GCFC2: variants seen among roughly 807,000 people sequenced by gnomAD.
GCFC2 encodes GC-rich sequence DNA-binding factor 2, also known as intron Large complex component GCFC2.
In GCFC2, 102 loss-of-function variants were observed where a neutral mutation model predicts 99.4. The ratio of observed to expected loss-of-function variants is 1.03; its 90% confidence interval spans 0.87 to 1.21. The LOEUF (loss-of-function observed/expected upper bound fraction) is 1.21. Ranked by LOEUF, GCFC2 falls within the 50% of genes most tolerant of loss-of-function variation. The probability of loss-of-function intolerance (pLI) is 0.00; values close to 1 mark genes in which losing one functional copy is unlikely to be tolerated. For missense variants in GCFC2, 973 were observed against 920.9 expected, an observed-to-expected ratio of 1.06 and a Z score of -0.73; for synonymous variants, 338 against 316.8, an observed-to-expected ratio of 1.07 and a Z score of -0.71.
chr2:75,665,759 T>C (rs190352189), intron 16 of GCFC2, among the ~76,000 whole-genome samples, 170 bp downstream of exon 16: 73 of 152,364 alleles, frequency 4.8e-4, no homozygotes, highest in Admixed American at 1.0e-3. Context: ...TTTTAAAATA[T>C]GGATATGCAT....
At chr2:75,712,459 G>T (rs141163633), upstream of GCFC2, among the ~76,000 whole-genome samples, 1 of 152,226 alleles carries the variant, frequency 6.6e-6, no homozygotes, top group East Asian at 1.9e-4. Flanking sequence ...GATTGTAAAC[G>T]CACCAATCAC....
chr2:75,680,518 C>T (rs1254022311), intron 11 of GCFC2, among the ~76,000 whole-genome samples: 1 of 152,190 alleles, frequency 6.6e-6, no homozygotes, highest in Admixed American at 6.5e-5. Context: ...GGCTAAACTA[C>T]AGCTCTTTAT....
chr2:75,665,930 T>G lies in GCFC2; in HGVS notation c.2227A>C (p.Arg743=). 1 of 1,576,818 alleles carries G rather than the reference T, an allele frequency of 6.3e-7. No individual in the cohort carries two copies. Among genetic ancestry groups the G allele is most frequent in the South Asian group, 1.1e-5 (1 of 87,862 alleles). Residue 743 remains arginine (R), a splice_region_variant and synonymous_variant, in exon 16 of 17, where the codon AGG becomes CGG. Coordinates refer to ENST00000321027, the MANE Select transcript of GCFC2 (RefSeq NM_003203.5). ...SAHKLSRSEF[R]DEVEEIILIL... ...AAGTGAAAATAAAATATGCATTACC[T>G]GAATTCACTTCTAGATAATTTATGT...
Position 75,670,303 on chromosome 2 carries a change from TA to T in GCFC2, c.1957-20del. On this transcript the variant is annotated intron_variant, in intron 14 of 16. Coordinates refer to ENST00000321027, the MANE Select transcript of GCFC2 (RefSeq NM_003203.5). ...GGAAGAGCTAAAATAAAATATCAAG[TA>T]AATATGTACCTTTTCTCCAAAGAGA... is the stretch of plus-strand genomic sequence containing the variant. 1 of 1,531,350 alleles carries T rather than the reference TA, an allele frequency of 6.5e-7. No individual in the cohort carries two copies. The highest frequency in any genetic ancestry group is 9.0e-7 in the Non-Finnish European group (1 of 1,106,732). The allele number at this position is 1,531,350 out of a possible 1,614,324, so 94.9% of individuals were successfully genotyped here. A position where few individuals can be genotyped will look rare whatever the true frequency, so the allele number is the denominator to read the frequency against.
chr2:75,667,585 G>A (rs1430876471), intron 15 of GCFC2, among the ~76,000 whole-genome samples: 1 of 152,140 alleles, frequency 6.6e-6, no homozygotes, highest in Non-Finnish European at 1.5e-5. Flanking sequence ...GTTTTGTTAT[G>A]TAAACTCTTT....
chr2:75,673,620 C>A lies in GCFC2; in HGVS notation c.1813-100G>T. On this transcript the variant is annotated intron_variant, in intron 12 of 16. Coordinates refer to ENST00000321027, the MANE Select transcript of GCFC2 (RefSeq NM_003203.5). ...TGCAGTACAAATTTATCCACACTCA[C>A]ATAACCAGCTGTTAAAATAACTATC... 3 of 643,756 alleles carry A rather than the reference C, an allele frequency of 4.7e-6. No individual in the cohort carries two copies. In the South Asian group the frequency reaches 5.4e-5, roughly 12 times the overall value. 39.9% of individuals were successfully genotyped at this position (643,756 alleles called of 1,614,324 possible).
At chr2:75,709,790 T>G (rs941403824) in intron 1 of GCFC2, among the ~76,000 whole-genome samples, 14 of 152,242 alleles carry the variant, frequency 9.2e-5, no homozygotes, top group Non-Finnish European at 1.6e-4. Flanking sequence ...CATCATGTTG[T>G]ACACTATAAG....
chr2:75,690,959 G>A (rs1031281300), intron 7 of GCFC2: 2 of 353,824 alleles, frequency 5.7e-6, no homozygotes, highest in Non-Finnish European at 1.0e-5. Context: ...TTTTGCTGTT[G>A]TTGAGAACAG....
chr2:75,710,802 G>C lies in GCFC2; in HGVS notation c.54C>G (p.Asp18Glu). Residue 18 changes from aspartate (D) to glutamate (E), a missense_variant, in exon 1 of 17, where the codon GAC becomes GAG. Transcript: ENST00000321027. ...CAGGCGACTCCTCGGCGCCATCGCT[G>C]TCGCTGGAATCAGCCGCGCGCTGCC... ...TFRQRAADSS[D>E]SDGAEESPAE... 2.5e-6 allele frequency: 4 copies of C among 1,579,150 alleles called. No individual in the cohort carries two copies. Among genetic ancestry groups the C allele is most frequent in the Non-Finnish European group, 3.4e-6 (4 of 1,168,970 alleles).
intron 5 of GCFC2, among the ~76,000 whole-genome samples, chr2:75,695,421 T>C (rs920377835): frequency 2.0e-5 from 3 of 152,168 alleles, no homozygotes; most frequent in African/African-American, 2.4e-5. Flanking sequence ...ACAAACATGA[T>C]AGTTTTTTTA....
intron 4 of GCFC2, among the ~76,000 whole-genome samples, chr2:75,699,440 T>C (rs1680475171): frequency 6.6e-6 from 1 of 152,220 alleles, no homozygotes; most frequent in African/African-American, 2.4e-5. Context: ...ACACTATGAT[T>C]GCAATTCTTG....
At position 75,694,433 on chromosome 2, in the gene GCFC2, T is replaced by A. The variant is rs1558746283; in HGVS notation, c.834-6A>T. 2 of 1,207,326 alleles carry A rather than the reference T, an allele frequency of 1.7e-6. No individual in the cohort carries two copies. Among genetic ancestry groups the A allele is most frequent in the Non-Finnish European group, 2.2e-6 (2 of 892,866 alleles). The allele number at this position is 1,207,326 out of a possible 1,614,324, so 74.8% of individuals were successfully genotyped here. ...TTTCCTGTAGTAATGTTAATCTAAATAAATAAAATAAAAATTAGTTTATTT... is the reference window on the plus strand; with the variant it reads ...TTTCCTGTAGTAATGTTAATCTAAAAAAATAAAATAAAAATTAGTTTATTT... On this transcript the variant is annotated splice_region_variant and splice_polypyrimidine_tract_variant and intron_variant, in intron 5 of 16. Coordinates refer to ENST00000321027, the MANE Select transcript of GCFC2 (RefSeq NM_003203.5).
intron 9 of GCFC2, among the ~76,000 whole-genome samples, 157 bp from the exon 10 acceptor site, chr2:75,689,382 TA>T (rs1320542993): frequency 6.6e-6 from 1 of 152,100 alleles, no homozygotes; most frequent in Non-Finnish European, 1.5e-5. Context: ...AACAAAGTAA[TA>T]ATATCAACAC....
upstream of GCFC2, among the ~76,000 whole-genome samples, chr2:75,711,972 G>A (rs899766098): frequency 4.6e-5 from 7 of 152,250 alleles, no homozygotes; most frequent in African/African-American, 1.7e-4. Context: ...GCACGGCGCC[G>A]GACTGGCAGG....
chr2:75,706,399 C>G (rs189267561), intron 2 of GCFC2, 124 bp downstream of exon 2: 2 of 639,848 alleles, frequency 3.1e-6, no homozygotes, highest in East Asian at 5.6e-5. Context: ...TTTTGGCACT[C>G]TGACAATCAT....
chr2:75,671,298 T>C (rs201354311), intron 14 of GCFC2, among the ~76,000 whole-genome samples: 1 of 152,210 alleles, frequency 6.6e-6, no homozygotes, highest in East Asian at 1.9e-4. Context: ...TTGCCATTCA[T>C]GACCATGGCT....
chr2:75,673,460 G>T lies in GCFC2; in HGVS notation c.1873C>A (p.Pro625Thr). 7.2e-7 allele frequency: 1 copy of T among 1,384,618 alleles called. No homozygotes were observed. Among genetic ancestry groups the T allele is most frequent in the African/African-American group, 1.4e-5 (1 of 70,590 alleles). 85.8% of individuals were successfully genotyped at this position (1,384,618 alleles called of 1,614,324 possible). A position where few individuals can be genotyped will look rare whatever the true frequency, so the allele number is the denominator to read the frequency against. ...AGCGCTTACCTCTTTGGATACAGAG[G>T]AATAAAAACATCATCTTCTACTGCC... ...KKAVEDDVFI[P>T]LYPKSAVENK... is the part of the protein sequence containing the mutation. The change falls in exon 13 of 17, where the codon CCT becomes ACT. Residue 625 changes from proline (P) to threonine (T), a missense_variant. By Grantham distance (38) the Pro-to-Thr change is conservative. Transcript: ENST00000321027.
chr2:75,669,652 C>T (rs2104202449), intron 15 of GCFC2, among the ~76,000 whole-genome samples: 1 of 152,228 alleles, frequency 6.6e-6, no homozygotes, highest in East Asian at 1.9e-4. Context: ...TTTCCTTTCC[C>T]TACTGGGGAT....
upstream of GCFC2, chr2:75,711,191 G>A (rs1449452915): frequency 4.3e-5 from 42 of 985,192 alleles, no homozygotes; most frequent in African/African-American, 5.2e-5. Context: ...ACCCCATCCA[G>A]AAATCAAGCG....
Sources: gnomAD v4.1 joint callset for allele counts (sites outside exome capture counted in the v4.1 genomes callset) on GRCh38, gnomAD v4.1.1 for gene constraint, MANE v1.5 for transcripts, NCBI Gene and HGNC (gene_info 2026-07-23, HGNC 2026-07-21) for gene names.